CHL1: variants seen among roughly 807,000 people sequenced by gnomAD.
The protein encoded by CHL1 is neural cell adhesion molecule L1-like protein.
A neutral mutation model predicts 141.9 loss-of-function variants in CHL1; 96 were observed. That is an observed-to-expected ratio of 0.68 (90% CI 0.57 to 0.80). The LOEUF (loss-of-function observed/expected upper bound fraction) is 0.80. Ranked by LOEUF, CHL1 falls within the 30% of genes least tolerant of loss-of-function variation. The pLI is 0.00. For synonymous variants in CHL1, 613 were observed against 502.2 expected (o/e 1.22, Z -2.95); for missense variants, 1,820 against 1,457.2 (o/e 1.25, Z -4.05).
intron 2 of CHL1, among the ~76,000 whole-genome samples, chr3:285,343 A>G (rs888475879): frequency 6.6e-6 from 1 of 152,222 alleles, no homozygotes; most frequent in Non-Finnish European, 1.5e-5. Context: ...CATTTTCTCT[A>G]TAAAATGCCA....
intron 2 of CHL1, among the ~76,000 whole-genome samples, chr3:264,068 T>C (rs1353038643): frequency 6.6e-6 from 1 of 152,220 alleles, no homozygotes; most frequent in Non-Finnish European, 1.5e-5. Context: ...CTTTGTCCCT[T>C]GGGTACTTTG....
intron 1 of CHL1, among the ~76,000 whole-genome samples, chr3:242,533 T>C (rs796412926): frequency 6.7e-4 from 102 of 152,074 alleles, no homozygotes; most frequent in African/African-American, 2.0e-3. Context: ...GAGGCAGAGC[T>C]TGCAGTGAGC....
intron 26 of CHL1, among the ~76,000 whole-genome samples, chr3:400,858 A>G (rs1709068809): frequency 6.6e-6 from 1 of 151,672 alleles, no homozygotes; most frequent in Admixed American, 6.6e-5. Context: ...GATTGTTGCA[A>G]CAATTTTGAG....
At chr3:382,416 G>C in intron 17 of CHL1, 58 bp from the exon 18 acceptor site, 7 of 1,493,718 alleles carry the variant, frequency 4.7e-6, no homozygotes, top group Non-Finnish European at 5.6e-6. Context: ...TATAAATTTT[G>C]GTATAACTTA....
chr3:316,921 T>C (rs914335247), intron 2 of CHL1, among the ~76,000 whole-genome samples: 3 of 152,058 alleles, frequency 2.0e-5, no homozygotes, highest in Admixed American at 2.0e-4. Context: ...TATAATTTTA[T>C]TGCTATCTTA....
At chr3:388,890 T>A (rs1255018216) in intron 19 of CHL1, among the ~76,000 whole-genome samples, 1 of 152,246 alleles carries the variant, frequency 6.6e-6, no homozygotes, top group African/African-American at 2.4e-5. Context: ...CAGCCTGTTC[T>A]TTGAAAATGA....
At chr3:255,052 G>A (rs1694031124) in intron 2 of CHL1, among the ~76,000 whole-genome samples, 1 of 152,060 alleles carries the variant, frequency 6.6e-6, no homozygotes, top group Admixed American at 6.6e-5. Flanking sequence ...GAATTTTGGG[G>A]CCCGTTTTTG....
intron 2 of CHL1, among the ~76,000 whole-genome samples, chr3:282,372 C>T (rs182370168): frequency 4.6e-5 from 7 of 152,208 alleles, no homozygotes; most frequent in Non-Finnish European, 1.0e-4. Context: ...GTCTTTTAAT[C>T]GGATAGAAGA....
At chr3:382,022 C>T (rs73814734) in intron 16 of CHL1, among the ~76,000 whole-genome samples, 157 bp from the exon 17 acceptor site, 1 of 138,930 alleles carries the variant, frequency 7.2e-6, no homozygotes, top group Non-Finnish European at 1.5e-5. Context: ...GAAACTCCAC[C>T]TTTCCCTTCC....
At chr3:337,291 C>T (rs931251270) in intron 5 of CHL1, among the ~76,000 whole-genome samples, 11 of 151,122 alleles carry the variant, frequency 7.3e-5, no homozygotes, top group African/African-American at 2.2e-4. Context: ...CCCGGGTTCC[C>T]GCCATTCTCC....
chr3:197,669 A>G (rs1190050476), intron 1 of CHL1: 3 of 359,816 alleles, frequency 8.3e-6, no homozygotes, highest in Non-Finnish European at 1.7e-5. Flanking sequence ...TGGAGCGGGG[A>G]ATCCATGGAC....
At chr3:390,934 A>G in intron 21 of CHL1, 21 bp from the exon 22 acceptor site, 1 of 1,605,756 alleles carries the variant, frequency 6.2e-7, no homozygotes, top group Non-Finnish European at 8.5e-7. Flanking sequence ...ATATACTAAA[A>G]GATTTTGGTT....
At chr3:400,918 T>TTC (rs1478216573) in intron 26 of CHL1, among the ~76,000 whole-genome samples, 10 of 149,938 alleles carry the variant, frequency 6.7e-5, no homozygotes, top group Non-Finnish European at 1.3e-4. Context: ...TTTTTTTTTT[T>TTC]TGAGACAAGG....
At chr3:248,317 C>A (rs1693364911) in intron 2 of CHL1, 1 of 152,024 alleles carries the variant, frequency 6.6e-6, no homozygotes, top group South Asian at 2.1e-4. Context: ...CATTATAATG[C>A]TACAGGTAGA....
At chr3:326,191 A>G (rs1318517383) in intron 4 of CHL1, 127 bp downstream of exon 4, 1 of 540,252 alleles carries the variant, frequency 1.9e-6, no homozygotes, top group African/African-American at 2.0e-5. Flanking sequence ...GGTTTACAAA[A>G]AATCATATCC....
chr3:309,570 C>T (rs1220398668), intron 2 of CHL1, among the ~76,000 whole-genome samples: 8 of 151,574 alleles, frequency 5.3e-5, no homozygotes, highest in Non-Finnish European at 1.0e-4. Context: ...GTTGCCCAGG[C>T]AGAATCATAG....
chr3:372,044 T>C (rs1355485515), intron 15 of CHL1, among the ~76,000 whole-genome samples: 1 of 152,214 alleles, frequency 6.6e-6, no homozygotes, highest in Admixed American at 6.5e-5. Flanking sequence ...GAGCATTTTT[T>C]CCTTCATTTC....
chr3:200,975 C>G (rs1235634479), intron 1 of CHL1, among the ~76,000 whole-genome samples: 1 of 152,174 alleles, frequency 6.6e-6, no homozygotes, highest in Non-Finnish European at 1.5e-5. Flanking sequence ...ATAGCTTTCT[C>G]ATTAGCACCA....
At chr3:399,623 A>G (rs142038721) in intron 26 of CHL1, among the ~76,000 whole-genome samples, 2 of 152,226 alleles carry the variant, frequency 1.3e-5, no homozygotes, top group Non-Finnish European at 2.9e-5. Flanking sequence ...TTGGGCGACA[A>G]GAGCAAAAAC....
Sources: allele counts gnomAD v4.1 joint callset (sites outside exome capture counted in the v4.1 genomes callset), GRCh38; gene constraint gnomAD v4.1.1; transcripts MANE v1.5; gene names NCBI Gene and HGNC (gene_info 2026-07-23, HGNC 2026-07-21).